NRG3: variants seen among roughly 807,000 people sequenced by gnomAD.
NRG3 encodes neuregulin 3, also known as pro-neuregulin-3, membrane-bound isoform.
NRG3 carries 31 observed loss-of-function variants against 66.9 expected under a neutral mutation model. The ratio of observed to expected loss-of-function variants is 0.46; its 90% CI spans 0.35 to 0.63. The LOEUF (loss-of-function observed/expected upper bound fraction) is 0.63, where lower values mean the gene tolerates loss of function less well. Ranked by LOEUF, NRG3 falls within the 20% of genes least tolerant of loss-of-function variation. The pLI is 0.00. For missense variants in NRG3, 910 were observed against 878.9 expected (o/e 1.04, Z -0.45); for synonymous variants, 393 against 359.4 (o/e 1.09, Z -1.06).
intron 2 of NRG3, among the ~76,000 whole-genome samples, chr10:82,467,328 C>T (rs542400866): frequency 2.6e-4 from 39 of 152,302 alleles, no homozygotes; most frequent in African/African-American, 8.7e-4. Context: ...GTAGCAGGCT[C>T]TGGGCTTCCT....
intron 2 of NRG3, among the ~76,000 whole-genome samples, chr10:82,631,595 T>TC (rs1026221726): frequency 1.6e-4 from 24 of 151,982 alleles, no homozygotes; most frequent in African/African-American, 5.8e-4. Flanking sequence ...GTGGTTTTTT[T>TC]TTTTTTTTTC....
intron 1 of NRG3, among the ~76,000 whole-genome samples, chr10:82,149,515 G>GC (rs2070534627): frequency 6.6e-6 from 1 of 152,116 alleles, no homozygotes; most frequent in South Asian, 2.1e-4. Context: ...TGTAATCGGA[G>GC]CTTTTCACGT....
intron 1 of NRG3, among the ~76,000 whole-genome samples, chr10:82,063,740 A>G (rs35113070): frequency 0.085 from 12,943 of 152,228 alleles, 625 homozygotes; most frequent in Non-Finnish European, 0.11. Context: ...AGAAAGAACT[A>G]AAGAACTAAA....
intron 4 of NRG3, among the ~76,000 whole-genome samples, chr10:82,930,820 C>T (rs748592307): frequency 1.6e-4 from 24 of 152,060 alleles, no homozygotes; most frequent in Non-Finnish European, 3.1e-4. Flanking sequence ...ACTGGGAACC[C>T]CATCTATGGG....
chr10:81,950,944 CT>C (rs1849293529), intron 1 of NRG3, among the ~76,000 whole-genome samples: 1 of 150,546 alleles, frequency 6.6e-6, no homozygotes, highest in African/African-American at 2.5e-5. Flanking sequence ...AAATTGCAAT[CT>C]TGCCCTTGAG....
At chr10:82,660,150 C>T (rs1312087321) in intron 2 of NRG3, among the ~76,000 whole-genome samples, 7 of 122,902 alleles carry the variant, frequency 5.7e-5, no homozygotes, top group Admixed American at 1.1e-4. Context: ...GAGCTGAGAC[C>T]GGGACATTGC....
intron 1 of NRG3, among the ~76,000 whole-genome samples, chr10:82,002,321 TC>T (rs1277212893): frequency 4.6e-5 from 7 of 152,188 alleles, no homozygotes; most frequent in African/African-American, 1.7e-4. Context: ...AGAATTCCTG[TC>T]CCTCTTCAAT....
rs192595337 is a variant in NRG3 at position 81,925,902 on chromosome 10, T to A, written c.823+49739T>A. Among the ~76,000 whole-genome samples, 177 of 152,190 alleles carry A rather than the reference T, an allele frequency of 1.2e-3. 1 individual carries two copies. The highest frequency in any genetic ancestry group is 0.01 in the Middle Eastern group (3 of 294). The stretch of plus-strand genomic sequence containing the variant: ...CTGATTAAACATCAGGGAGACATGA[T>A]GATTCTTTTGTATAGCTCTCCCCTC... On this transcript the variant is annotated intron_variant, in intron 1 of 8. Transcript: ENST00000372141.
intron 2 of NRG3, among the ~76,000 whole-genome samples, chr10:82,414,793 A>G (rs2136187201): frequency 6.6e-6 from 1 of 152,300 alleles, no homozygotes; most frequent in East Asian, 1.9e-4. Context: ...ATTGACTCAT[A>G]TAATTGAGTG....
At chr10:82,182,884 T>A (rs2133244946) in intron 1 of NRG3, among the ~76,000 whole-genome samples, 1 of 152,028 alleles carries the variant, frequency 6.6e-6, no homozygotes, top group Admixed American at 6.6e-5. Context: ...TTAAGGAGAG[T>A]TTTGCCAGGT....
At chr10:82,412,198 G>A (rs1424737420) in intron 2 of NRG3, among the ~76,000 whole-genome samples, 3 of 152,078 alleles carry the variant, frequency 2.0e-5, no homozygotes, top group Non-Finnish European at 2.9e-5. Context: ...AATAATGACA[G>A]GGAATTGTTT....
Position 82,709,797 on chromosome 10 carries a change from A to G in NRG3, c.954-28780A>G, listed in dbSNP as rs142319949. Among the ~76,000 whole-genome samples, 60 of 152,332 alleles carry G rather than the reference A, an allele frequency of 3.9e-4. 1 individual carries two copies. The highest frequency in any genetic ancestry group is 1.2e-4 in the Non-Finnish European group (8 of 68,032). ...TCTGTTTCTTGCAGGTCCTAAATAAAGTCCAAGTTCCCATTGTCTGGGTCC... is the reference window on the plus strand; with the variant it reads ...TCTGTTTCTTGCAGGTCCTAAATAAGGTCCAAGTTCCCATTGTCTGGGTCC... On this transcript the variant is annotated intron_variant, in intron 2 of 8. Transcript: ENST00000372141.
At chr10:82,285,315 C>T (rs1412544278) in intron 1 of NRG3, among the ~76,000 whole-genome samples, 1 of 152,180 alleles carries the variant, frequency 6.6e-6, no homozygotes, top group African/African-American at 2.4e-5. Context: ...CTTCTGACTT[C>T]AGCAGATAAA....
intron 4 of NRG3, among the ~76,000 whole-genome samples, chr10:82,884,232 A>T (rs1022535569): frequency 1.3e-5 from 2 of 152,022 alleles, no homozygotes; most frequent in Non-Finnish European, 2.9e-5. Context: ...CAAAAATATC[A>T]CTCTTAGTGG....
At chr10:82,078,334 T>G (rs2065205258) in intron 1 of NRG3, among the ~76,000 whole-genome samples, 1 of 151,318 alleles carries the variant, frequency 6.6e-6, no homozygotes, top group Admixed American at 6.6e-5. Flanking sequence ...TTGTGGAGAG[T>G]GCTCTACACA....
intron 1 of NRG3, among the ~76,000 whole-genome samples, chr10:82,163,731 C>T (rs536343500): frequency 6.6e-6 from 1 of 152,146 alleles, no homozygotes; most frequent in African/African-American, 2.4e-5. Context: ...AGGCTAGGAC[C>T]TTTAGAGTCA....
chr10:82,302,022 T>A, intron 1 of NRG3, among the ~76,000 whole-genome samples: 1 of 152,122 alleles, frequency 6.6e-6, no homozygotes, highest in Non-Finnish European at 1.5e-5. Context: ...CTCTTTCTGT[T>A]TATTTTATGT....
intron 2 of NRG3, among the ~76,000 whole-genome samples, chr10:82,404,920 G>A (rs1001155955): frequency 6.6e-6 from 1 of 152,090 alleles, no homozygotes; most frequent in Non-Finnish European, 1.5e-5. Flanking sequence ...TAGAGCGAGA[G>A]TGCTTTACAA....
At chr10:82,511,829 C>G (rs1845195755) in intron 2 of NRG3, among the ~76,000 whole-genome samples, 1 of 151,726 alleles carries the variant, frequency 6.6e-6, no homozygotes, top group African/African-American at 2.4e-5. Flanking sequence ...CTCAGCTTCT[C>G]TCGTGTCTAC....
Sources: allele counts gnomAD v4.1 joint callset (sites outside exome capture counted in the v4.1 genomes callset), GRCh38; gene constraint gnomAD v4.1.1; transcripts MANE v1.5; gene names NCBI Gene and HGNC (gene_info 2026-07-23, HGNC 2026-07-21).